Variants in SCN3B observed in about 807,000 individuals in gnomAD.
SCN3B encodes sodium voltage-gated channel beta subunit 3.
Under a neutral mutation model 25.4 loss-of-function variants are expected in SCN3B, and 11 were observed. The observed-to-expected ratio is 0.43, with a 90% CI of 0.27 to 0.72. The LOEUF is 0.72. Among genes scored for constraint, SCN3B ranks in the 30% least tolerant of loss-of-function variants. The probability of loss-of-function intolerance (pLI) is 0.18; values close to 1 mark genes in which losing one functional copy is unlikely to be tolerated. For synonymous variants in SCN3B, 109 were observed against 110.7 expected (o/e 0.99, Z 0.09); for missense variants, 218 against 278.3 (o/e 0.78, Z 1.54).
Position 123,632,646 on chromosome 11 carries a change from G to T in SCN3B, c.*1153C>A. On this transcript the variant is annotated 3_prime_UTR_variant, in exon 7 of 7. Coordinates refer to ENST00000299333, the MANE Select transcript of SCN3B (RefSeq NM_001040151.2). ...GTACTAAAAATACAAAATTTAGCCAGGCGTGGTGGTGCACACCTGTAATCC... is the reference window on the plus strand; with the variant it reads ...GTACTAAAAATACAAAATTTAGCCATGCGTGGTGGTGCACACCTGTAATCC... 1 of 152,220 alleles carries T rather than the reference G, an allele frequency of 6.6e-6. No homozygotes were observed. Among genetic ancestry groups the T allele is most frequent in the Non-Finnish European group, 1.5e-5 (1 of 68,066 alleles). 9.4% of individuals were successfully genotyped at this position (152,220 alleles called of 1,614,324 possible).
At chr11:123,651,313 T>C (rs1406775722) in intron 2 of SCN3B, among the ~76,000 whole-genome samples, 1 of 152,102 alleles carries the variant, frequency 6.6e-6, no homozygotes, top group Non-Finnish European at 1.5e-5. Flanking sequence ...TATTGTTCAA[T>C]ATTGGAATTG....
chr11:123,651,373 C>A (rs1288009741), intron 2 of SCN3B, among the ~76,000 whole-genome samples: 1 of 148,096 alleles, frequency 6.8e-6, no homozygotes, highest in Non-Finnish European at 1.5e-5. Flanking sequence ...GTTTTTCTTT[C>A]TTTTTTTTTT....
At position 123,642,499 on chromosome 11, in the gene SCN3B, T is replaced by C. The variant is rs1457138925; in HGVS notation, c.392A>G (p.His131Arg). The C allele has an allele frequency of 1.9e-6, 3 of 1,614,018 alleles. No homozygotes were observed. The change falls in exon 4 of 7, where the codon CAT (histidine) becomes CGT (arginine). Residue 131 changes from histidine (H) to arginine (R), a missense_variant. His to Arg is a conservative substitution (Grantham distance 29). Coordinates refer to ENST00000299333, the MANE Select transcript of SCN3B (RefSeq NM_001040151.2). This position sits in a 1 kb window ranked among gnomAD's most constrained non-coding sequence, Gnocchi z 4.3. ...NVSREFEFEA[H>R]RPFVKTTRLI... ...CCGCGTCGTCTTCACAAAGGGCCGATGCGCCTCAAACTCAAACTCCCGGGA... is the reference window on the plus strand; with the variant it reads ...CCGCGTCGTCTTCACAAAGGGCCGACGCGCCTCAAACTCAAACTCCCGGGA...
At position 123,645,785 on chromosome 11, in the gene SCN3B, C is replaced by T. The variant is rs72552199; in HGVS notation, c.56-35G>A. The T allele has an allele frequency of 1.8e-4, 298 of 1,611,626 alleles. No homozygotes were observed. The African/African-American group carries it at 3.4e-3, about 18-fold the overall frequency. On this transcript the variant is annotated intron_variant, in intron 2 of 6. Transcript: ENST00000299333. ...GGACAGATGGACAGGGAAGGAACAG[C>T]AGGTGGTGGGGGAGGGGCACAGGAG...
chr11:123,642,096 C>T lies in SCN3B; in HGVS notation c.445+350G>A, dbSNP rs1369695549. Among the ~76,000 whole-genome samples the T allele has an allele frequency of 2.6e-5, 4 of 152,140 alleles. No homozygotes were observed. Among genetic ancestry groups the T allele is most frequent in the Non-Finnish European group, 2.9e-5 (2 of 68,026 alleles). ...GTAACCTCATGAGATTTCTCTGAGC[C>T]CACTGAGTCAGGGATTCAACATAGG... On this transcript the variant is annotated intron_variant, in intron 4 of 6. Transcript: ENST00000299333. This position sits in a 1 kb window ranked among gnomAD's most constrained non-coding sequence, Gnocchi z 4.3.
intron 2 of SCN3B, among the ~76,000 whole-genome samples, chr11:123,653,312 T>C (rs1023213917): frequency 6.9e-6 from 1 of 145,426 alleles, no homozygotes; most frequent in Admixed American, 7.2e-5. Flanking sequence ...AATTCATGCA[T>C]CCAGCTTTTA....
At chr11:123,638,999 T>C (rs187956845) in intron 4 of SCN3B, 1 of 156,944 alleles carries the variant, frequency 6.4e-6, no homozygotes, top group East Asian at 1.9e-4. Flanking sequence ...CCCAGGGCTG[T>C]ACTTTTGAAA....
chr11:123,645,527 G>T, intron 3 of SCN3B, 60 bp downstream of exon 3: 3 of 1,575,852 alleles, frequency 1.9e-6, no homozygotes, highest in South Asian at 1.1e-5. Context: ...ACTGTCAGGA[G>T]CCAGGCTGGG....
In SCN3B at chr11:123,633,713, G is replaced by A. The variant is rs553111680; in HGVS notation, c.*86C>T. On this transcript the variant is annotated 3_prime_UTR_variant, in exon 7 of 7. Transcript: ENST00000299333. Reference sequence around the variant, plus strand: ...AGGGAAGCGATGGGGCCCTTGGGGCGCCCTCCTGATGCCATTGACATTGCT... The same window carrying A: ...AGGGAAGCGATGGGGCCCTTGGGGCACCCTCCTGATGCCATTGACATTGCT... The A allele has an allele frequency of 1.2e-4, 32 of 272,698 alleles. No homozygotes were observed. The highest frequency in any genetic ancestry group is 1.3e-3 in the Middle Eastern group (1 of 742). 16.9% of individuals were successfully genotyped at this position (272,698 alleles called of 1,614,324 possible).
Position 123,631,235 on chromosome 11 carries a change from GAA to G in SCN3B, c.*2562_*2563del, listed in dbSNP as rs1316347053. ...CATCTGAGTTGGGTTTTTTTAAAAA[GAA>G]GAGAAAAAGGCAATCATGCATACTG... is the stretch of plus-strand genomic sequence containing the variant. On this transcript the variant is annotated 3_prime_UTR_variant, in exon 7 of 7. Coordinates refer to ENST00000299333, the MANE Select transcript of SCN3B (RefSeq NM_001040151.2). 2 of 152,028 alleles carry G rather than the reference GAA, an allele frequency of 1.3e-5. No individual in the cohort carries two copies. The highest frequency in any genetic ancestry group is 2.9e-5 in the Non-Finnish European group (2 of 68,002). The allele number at this position is 152,028 out of a possible 1,614,324, so 9.4% of individuals were successfully genotyped here. A position where few individuals can be genotyped will look rare whatever the true frequency, so the allele number is the denominator to read the frequency against.
At position 123,630,903 on chromosome 11, in the gene SCN3B, G is replaced by A. The variant is rs1365824101; in HGVS notation, c.*2896C>T. On this transcript the variant is annotated 3_prime_UTR_variant, in exon 7 of 7. Coordinates refer to ENST00000299333, the MANE Select transcript of SCN3B (RefSeq NM_001040151.2). ...CTATGGTCTAAGTGGAAAGAGAACT[G>A]AAAGAGGAGTCAGAAGACCTGGATT... 9 of 152,222 alleles carry A rather than the reference G, an allele frequency of 5.9e-5. No individual in the cohort carries two copies. The highest frequency in any genetic ancestry group is 4.6e-4 in the Admixed American group (7 of 15,284). 9.4% of individuals were successfully genotyped at this position (152,222 alleles called of 1,614,324 possible). A position where few individuals can be genotyped will look rare whatever the true frequency, so the allele number is the denominator to read the frequency against.
chr11:123,638,111 T>G, intron 5 of SCN3B, 75 bp downstream of exon 5: 1 of 1,565,166 alleles, frequency 6.4e-7, no homozygotes, highest in Non-Finnish European at 8.7e-7. Context: ...TGTAAACTGC[T>G]TAGCACCTCA....
In SCN3B at chr11:123,654,258, C is replaced by G. The variant is rs1955966761; in HGVS notation, c.-58G>C. On this transcript the variant is annotated 5_prime_UTR_variant, in exon 1 of 7. Coordinates refer to ENST00000299333, the MANE Select transcript of SCN3B (RefSeq NM_001040151.2). Reference sequence around the variant, plus strand: ...CTCCCCAGGATCGGTTGCGTTCCGACTGGAATCCTCCCAGCCCCGCGGCTC... The same window carrying G: ...CTCCCCAGGATCGGTTGCGTTCCGAGTGGAATCCTCCCAGCCCCGCGGCTC... The G allele has an allele frequency of 5.1e-6, 1 of 195,152 alleles. No individual in the cohort carries two copies. The highest frequency in any genetic ancestry group is 1.1e-5 in the Non-Finnish European group (1 of 93,006). 12.1% of individuals were successfully genotyped at this position (195,152 alleles called of 1,614,324 possible). A position where few individuals can be genotyped will look rare whatever the true frequency, so the allele number is the denominator to read the frequency against.
intron 5 of SCN3B, 144 bp from the exon 6 acceptor site, chr11:123,634,350 C>G (rs1190121162): frequency 4.2e-6 from 3 of 710,400 alleles, no homozygotes; most frequent in Non-Finnish European, 7.6e-6. Context: ...GAAAAACAAC[C>G]TTTTCTGCAG....
chr11:123,647,563 A>G (rs1023502007), intron 2 of SCN3B, among the ~76,000 whole-genome samples: 1 of 152,250 alleles, frequency 6.6e-6, no homozygotes, highest in East Asian at 1.9e-4. Context: ...TTTTTCATGA[A>G]TTAATAATAA....
chr11:123,653,926 G>T, intron 1 of SCN3B, 100 bp from the exon 2 acceptor site: 1 of 1,130,426 alleles, frequency 8.8e-7, no homozygotes, highest in Non-Finnish European at 1.3e-6. Context: ...CTTTCTGACC[G>T]AAGGAAGGGC....
chr11:123,637,973 A>C (rs1955745960), intron 5 of SCN3B, among the ~76,000 whole-genome samples: 2 of 152,164 alleles, frequency 1.3e-5, no homozygotes, highest in African/African-American at 2.4e-5. Flanking sequence ...CAAATGTTTA[A>C]TTTTTCGTAA....
chr11:123,648,016 A>G (rs1016956496), intron 2 of SCN3B, among the ~76,000 whole-genome samples: 4 of 152,228 alleles, frequency 2.6e-5, no homozygotes, highest in Non-Finnish European at 4.4e-5. Context: ...AGTCTGAAGT[A>G]TTGATTATAG....
At position 123,629,756 on chromosome 11, in the gene SCN3B, TA is replaced by T. The variant is rs1156477532; in HGVS notation, c.*4042del. On this transcript the variant is annotated 3_prime_UTR_variant, in exon 7 of 7. Transcript: ENST00000299333. ...ACTATTCAGATACATTTGCAGTGAC[TA>T]GGTGAATTCACTGAATTAGGGATTT... 3.9e-5 allele frequency: 6 copies of T among 152,258 alleles called. No homozygotes were observed. Among genetic ancestry groups the T allele is most frequent in the African/African-American group, 1.4e-4 (6 of 41,478 alleles). 9.4% of individuals were successfully genotyped at this position (152,258 alleles called of 1,614,324 possible). A position where few individuals can be genotyped will look rare whatever the true frequency, so the allele number is the denominator to read the frequency against.
Sources: gnomAD v4.1 joint callset for allele counts (sites outside exome capture counted in the v4.1 genomes callset) on GRCh38, gnomAD v4.1.1 for gene constraint, Gnocchi (gnomAD v3.1) non-coding constraint, MANE v1.5 for transcripts, NCBI Gene and HGNC (gene_info 2026-07-23, HGNC 2026-07-21) for gene names.